The following GGPS1 variants were observed in gnomAD, a reference collection of about 807,000 sequenced individuals.
GGPS1 encodes geranylgeranyl pyrophosphate synthase.
In GGPS1, 15 loss-of-function variants were observed where a neutral mutation model predicts 28.1. The ratio of observed to expected loss-of-function variants is 0.53; its 90% CI spans 0.36 to 0.82. The LOEUF (loss-of-function observed/expected upper bound fraction) is 0.82, where lower values mean the gene tolerates loss of function less well. Among genes scored for constraint, GGPS1 ranks in the 40% least tolerant of loss-of-function variants. GGPS1 has a pLI of 0.01. For missense variants in GGPS1, 284 were observed against 348.3 expected (o/e 0.82, Z 1.47); for synonymous variants, 138 against 122.4 (o/e 1.13, Z -0.84).
chr1:235,338,058 C>A (rs550696048), intron 2 of GGPS1, among the ~76,000 whole-genome samples: 2 of 151,942 alleles, frequency 1.3e-5, no homozygotes, highest in East Asian at 3.9e-4. Flanking sequence ...TTTGAGAGAT[C>A]TCTGTGATTA....
At position 235,342,862 on chromosome 1, in the gene GGPS1, A is replaced by T. The variant is rs1156478351; in HGVS notation, c.*90A>T. 1.1e-6 allele frequency: 1 copy of T among 876,828 alleles called. No homozygotes were observed. Among genetic ancestry groups the T allele is most frequent in the East Asian group, 2.6e-5 (1 of 39,118 alleles). The allele number at this position is 876,828 out of a possible 1,614,324, so 54.3% of individuals were successfully genotyped here. On this transcript the variant is annotated 3_prime_UTR_variant, in exon 4 of 4. Transcript: ENST00000282841. ...CTTACCACCTTTTAAAAAATTTGTT[A>T]TTCTCCAGAAACAGTAAATAGGTGA...
chr1:235,327,652 C>G (rs1160396341), upstream of GGPS1: 1 of 152,382 alleles, frequency 6.6e-6, no homozygotes, highest in Non-Finnish European at 1.5e-5. Flanking sequence ...GCCGAGGCCC[C>G]GAATTCGGGC....
Position 235,342,699 on chromosome 1 carries a change from C to G in GGPS1, c.830C>G (p.Ala277Gly). ...GCTAAAGCCTATAAACAGATTGATG[C>G]ACGTGGTGGGAACCCTGAGCTAGTA... ...LEAKAYKQID[A>G]RGGNPELVAL... The change falls in exon 4 of 4, where the codon GCA (alanine) becomes GGA (glycine). Residue 277 changes from alanine (A) to glycine (G), a missense_variant. Transcript: ENST00000282841. 1.2e-6 allele frequency: 2 copies of G among 1,607,142 alleles called. No homozygotes were observed. Among genetic ancestry groups the G allele is most frequent in the Non-Finnish European group, 1.7e-6 (2 of 1,174,684 alleles).
intron 1 of GGPS1, among the ~76,000 whole-genome samples, chr1:235,334,629 T>C (rs1278247642): frequency 6.6e-6 from 1 of 152,256 alleles, no homozygotes; most frequent in African/African-American, 2.4e-5. Flanking sequence ...TTTCTTTCTC[T>C]GTAGATTGGC....
chr1:235,340,362 C>CGGGAGGCTGAGG (rs1313143914), intron 2 of GGPS1, among the ~76,000 whole-genome samples: 1 of 151,664 alleles, frequency 6.6e-6, no homozygotes, highest in Non-Finnish European at 1.5e-5. Context: ...GCCAGCTACT[C>CGGGAGGCTGAGG]GGGAGGCTGA....
intron 1 of GGPS1, among the ~76,000 whole-genome samples, chr1:235,332,101 T>C (rs562911592): frequency 6.6e-6 from 1 of 152,320 alleles, no homozygotes; most frequent in Admixed American, 6.5e-5. Flanking sequence ...ATTTATGGGG[T>C]GCAAGTGTAG....
chr1:235,341,958 CTG>C, intron 3 of GGPS1, 51 bp from the exon 4 acceptor site: 1 of 1,144,588 alleles, frequency 8.7e-7, no homozygotes, highest in Non-Finnish European at 1.2e-6. Context: ...GTTAATTAAA[CTG>C]AGTAAGTTTT....
At chr1:235,340,592 C>T (rs1676007462) in intron 2 of GGPS1, among the ~76,000 whole-genome samples, 1 of 151,102 alleles carries the variant, frequency 6.6e-6, no homozygotes, top group South Asian at 2.1e-4. Context: ...AAAAATGAGC[C>T]GGGCGTGGTA....
chr1:235,337,687 A>G (rs1421747522), intron 2 of GGPS1, among the ~76,000 whole-genome samples: 1 of 152,010 alleles, frequency 6.6e-6, no homozygotes, highest in African/African-American at 2.4e-5. Flanking sequence ...ATATTAGCCA[A>G]GTATGGTAGC....
intron 1 of GGPS1, chr1:235,330,030 A>G (rs1050222212): frequency 1.3e-5 from 2 of 152,230 alleles, no homozygotes; most frequent in Admixed American, 6.5e-5. Context: ...AGTAGAGTTC[A>G]TGTAACACAC....
intron 2 of GGPS1, among the ~76,000 whole-genome samples, chr1:235,340,667 C>T (rs541596886): frequency 7.3e-5 from 9 of 123,328 alleles, no homozygotes; most frequent in Admixed American, 2.1e-4. Context: ...ACCCGGGAGG[C>T]GGAGCTTGCA....
Position 235,342,855 on chromosome 1 carries a change from A to T in GGPS1, c.*83A>T, listed in dbSNP as rs1412020425. Reference sequence around the variant, plus strand: ...TTTTAGCCTTACCACCTTTTAAAAAATTTGTTATTCTCCAGAAACAGTAAA... The same window carrying T: ...TTTTAGCCTTACCACCTTTTAAAAATTTTGTTATTCTCCAGAAACAGTAAA... On this transcript the variant is annotated 3_prime_UTR_variant, in exon 4 of 4. Transcript: ENST00000282841. The T allele has an allele frequency of 8.5e-5, 82 of 960,380 alleles. No homozygotes were observed. Among genetic ancestry groups the T allele is most frequent in the Non-Finnish European group, 9.5e-5 (61 of 644,466 alleles). 59.5% of individuals were successfully genotyped at this position (960,380 alleles called of 1,614,324 possible).
intron 1 of GGPS1, among the ~76,000 whole-genome samples, chr1:235,330,791 T>G (rs1037261044): frequency 2.6e-5 from 4 of 152,230 alleles, no homozygotes; most frequent in African/African-American, 9.6e-5. Context: ...AAAGTGCATC[T>G]CATTGATTTT....
At chr1:235,333,656 G>A (rs535677781) in intron 1 of GGPS1, among the ~76,000 whole-genome samples, 35 of 152,014 alleles carry the variant, frequency 2.3e-4, no homozygotes, top group Admixed American at 1.2e-3. Context: ...AAAGAAAGTG[G>A]CCCTCACTCA....
upstream of GGPS1, chr1:235,328,280 C>A (rs977036781): frequency 6.7e-6 from 1 of 150,086 alleles, no homozygotes; most frequent in East Asian, 2.0e-4. Flanking sequence ...GCCTCTTAGA[C>A]GACCTTGGAT....
intron 2 of GGPS1, among the ~76,000 whole-genome samples, chr1:235,337,693 G>A (rs1675909788): frequency 3.3e-5 from 5 of 151,926 alleles, no homozygotes; most frequent in Admixed American, 2.6e-4. Flanking sequence ...GCCAAGTATG[G>A]TAGCGCATGC....
chr1:235,338,146 C>T (rs1376576523), intron 2 of GGPS1, among the ~76,000 whole-genome samples: 4 of 151,990 alleles, frequency 2.6e-5, no homozygotes, highest in African/African-American at 7.3e-5. Context: ...TTTGGGAGAC[C>T]GAAGTGGGCA....
chr1:235,335,479 A>G (rs2103343279), intron 2 of GGPS1, 145 bp downstream of exon 2: 1 of 507,392 alleles, frequency 2.0e-6, no homozygotes, highest in South Asian at 2.5e-5. Flanking sequence ...TAAATAGAAC[A>G]TTATAATTTT....
At chr1:235,330,439 C>G (rs1446500442) in intron 1 of GGPS1, 1 of 152,148 alleles carries the variant, frequency 6.6e-6, no homozygotes, top group Non-Finnish European at 1.5e-5. Context: ...GAGACGAGAT[C>G]ACGCCACTGC....
Sources: gnomAD v4.1 joint callset for allele counts (sites outside exome capture counted in the v4.1 genomes callset) on GRCh38, gnomAD v4.1.1 for gene constraint, MANE v1.5 for transcripts, NCBI Gene and HGNC (gene_info 2026-07-23, HGNC 2026-07-21) for gene names.